MECOM: variants seen among roughly 807,000 people sequenced by gnomAD.
The protein encoded by MECOM is MDS1 and EVI1 complex locus, also known as histone-lysine N-methyltransferase MECOM.
A neutral mutation model predicts 116.3 loss-of-function variants in MECOM; 13 were observed. That is an observed-to-expected ratio of 0.11 (90% CI 0.07 to 0.18). The LOEUF is 0.18. Ranked by LOEUF, MECOM falls within the 10% of genes least tolerant of loss-of-function variation. The pLI is 1.00. For missense variants in MECOM, 1,299 were observed against 1,509.0 expected (o/e 0.86, Z 2.31); for synonymous variants, 528 against 535.2 (o/e 0.99, Z 0.19).
chr3:169,409,163 T>C (rs1335416743), intron 1 of MECOM, among the ~76,000 whole-genome samples: 1 of 152,116 alleles, frequency 6.6e-6, no homozygotes, highest in African/African-American at 2.4e-5. Flanking sequence ...GCAAATAATA[T>C]CTCACCAACC....
At chr3:169,212,164 A>C (rs1225288840) in intron 2 of MECOM, among the ~76,000 whole-genome samples, 1 of 152,014 alleles carries the variant, frequency 6.6e-6, no homozygotes, top group East Asian at 1.9e-4. Context: ...GGAACTACCC[A>C]CATTTTTTCT....
intron 2 of MECOM, among the ~76,000 whole-genome samples, chr3:169,324,533 G>T (rs1442727364): frequency 6.6e-6 from 1 of 152,186 alleles, no homozygotes; most frequent in Non-Finnish European, 1.5e-5. Flanking sequence ...TCTGGGTAGA[G>T]GGAAGATTTA....
chr3:169,102,196 G>A lies in MECOM; in HGVS notation c.2635C>T (p.Leu879=). 1 of 1,613,570 alleles carries A rather than the reference G, an allele frequency of 6.2e-7. No individual in the cohort carries two copies. The highest frequency in any genetic ancestry group is 1.1e-5 in the South Asian group (1 of 91,020). The part of the protein sequence containing the change: ...MSAIENMAEK[L]ESFSALKPEA... ...GGTTTCAGGGCACTGAAGCTCTCTA[G>A]CTTTTCTGCCATGTTTTCAATAGCT... The change falls in exon 11 of 17, where the codon CTA becomes TTA. Residue 879 remains leucine, a synonymous_variant. Transcript: ENST00000651503.
At chr3:169,498,462 TG>T in intron 1 of MECOM, among the ~76,000 whole-genome samples, 1 of 152,344 alleles carries the variant, frequency 6.6e-6, no homozygotes, top group East Asian at 1.9e-4. Context: ...GCTCGGTTTA[TG>T]CCCAAAGATG....
At position 169,290,595 on chromosome 3, in the gene MECOM, G is replaced by A. The variant is rs543550678; in HGVS notation, c.375+90592C>T. 5.8e-4 allele frequency among the ~76,000 whole-genome samples: 88 copies of A among 152,262 alleles called. 1 individual carries two copies. Among genetic ancestry groups the A allele is most frequent in the African/African-American group, 1.9e-3 (79 of 41,558 alleles). On this transcript the variant is annotated intron_variant, in intron 2 of 16. Coordinates refer to ENST00000651503, the MANE Select transcript of MECOM (RefSeq NM_004991.4). ...CATACACAGATTTTAAAAATGGCATGTTTCAGATGCTGTGGATGCAAGTAA... is the reference window on the plus strand; with the variant it reads ...CATACACAGATTTTAAAAATGGCATATTTCAGATGCTGTGGATGCAAGTAA...
chr3:169,125,665 A>G (rs35696590), intron 5 of MECOM, among the ~76,000 whole-genome samples: 22,021 of 152,134 alleles, frequency 0.14, 2,163 homozygotes, highest in Non-Finnish European at 0.2. Context: ...TCACAAAAGT[A>G]AATGTGCATT....
intron 1 of MECOM, among the ~76,000 whole-genome samples, chr3:169,414,141 CGGCTG>C (rs1292113038): frequency 6.6e-6 from 1 of 152,088 alleles, no homozygotes; most frequent in Non-Finnish European, 1.5e-5. Context: ...AGGACAGCTC[CGGCTG>C]GTATATGGTG....
intron 2 of MECOM, among the ~76,000 whole-genome samples, chr3:169,158,186 G>A (rs1246390827): frequency 6.6e-6 from 1 of 152,166 alleles, no homozygotes; most frequent in East Asian, 1.9e-4. Context: ...AAATGTGGTG[G>A]TGGTTGTCGT....
chr3:169,387,693 T>C (rs1733588482), intron 1 of MECOM, among the ~76,000 whole-genome samples: 2 of 152,162 alleles, frequency 1.3e-5, no homozygotes, highest in African/African-American at 4.8e-5. Context: ...ACTGTACACA[T>C]ATATGCATAT....
At chr3:169,286,250 G>A (rs1228015878) in intron 2 of MECOM, among the ~76,000 whole-genome samples, 1 of 152,146 alleles carries the variant, frequency 6.6e-6, no homozygotes, top group Non-Finnish European at 1.5e-5. Context: ...AAATGAGAGA[G>A]GGACCCAGTA....
At chr3:169,528,434 T>A (rs1049924445) in intron 1 of MECOM, among the ~76,000 whole-genome samples, 10 of 152,226 alleles carry the variant, frequency 6.6e-5, no homozygotes, top group Non-Finnish European at 1.5e-4. Context: ...CCAACATAAA[T>A]TTAAATTCTG....
At chr3:169,471,290 C>G (rs1323863190) in intron 1 of MECOM, among the ~76,000 whole-genome samples, 1 of 152,058 alleles carries the variant, frequency 6.6e-6, no homozygotes, top group Non-Finnish European at 1.5e-5. Context: ...CCACACCCAG[C>G]CTCAATGTCT....
At chr3:169,299,131 T>G (rs1716199706) in intron 2 of MECOM, among the ~76,000 whole-genome samples, 1 of 152,130 alleles carries the variant, frequency 6.6e-6, no homozygotes, top group African/African-American at 2.4e-5. Flanking sequence ...TTCCTAGAAC[T>G]CCTAGTTCTC....
intron 1 of MECOM, among the ~76,000 whole-genome samples, chr3:169,642,123 T>C (rs1170037928): frequency 1.3e-5 from 2 of 152,186 alleles, no homozygotes; most frequent in Admixed American, 1.3e-4. Flanking sequence ...GGCCTTCCCA[T>C]TTATTAATCA....
chr3:169,377,369 A>C (rs1731219820), intron 2 of MECOM, among the ~76,000 whole-genome samples: 1 of 152,232 alleles, frequency 6.6e-6, no homozygotes, highest in African/African-American at 2.4e-5. Context: ...AGAAACTATC[A>C]TTAGAGTGAA....
At chr3:169,529,796 C>T (rs1758378381) in intron 1 of MECOM, among the ~76,000 whole-genome samples, 1 of 152,212 alleles carries the variant, frequency 6.6e-6, no homozygotes, top group Non-Finnish European at 1.5e-5. Flanking sequence ...ACTGGTCCAG[C>T]ACCCAAGTTC....
At chr3:169,378,479 A>AG (rs1731638651) in intron 2 of MECOM, among the ~76,000 whole-genome samples, 3 of 60,062 alleles carry the variant, frequency 5.0e-5, no homozygotes, top group Non-Finnish European at 9.4e-5. Context: ...GCAAGCAAGA[A>AG]AGAGAGAGAG....
At chr3:169,659,326 AAAG>A (rs1363982258) in intron 1 of MECOM, among the ~76,000 whole-genome samples, 1 of 152,080 alleles carries the variant, frequency 6.6e-6, no homozygotes, top group Non-Finnish European at 1.5e-5. Flanking sequence ...ACAAATAAAA[AAAG>A]AAGCCTTGCT....
At chr3:169,366,759 C>A (rs1729230584) in intron 2 of MECOM, among the ~76,000 whole-genome samples, 1 of 152,004 alleles carries the variant, frequency 6.6e-6, no homozygotes. Context: ...GGTTTCATTG[C>A]CATGCCATGC....
Sources: gnomAD v4.1 joint callset for allele counts (sites outside exome capture counted in the v4.1 genomes callset) on GRCh38, gnomAD v4.1.1 for gene constraint, MANE v1.5 for transcripts, NCBI Gene and HGNC (gene_info 2026-07-23, HGNC 2026-07-21) for gene names.